RASGEF1C: variants seen among roughly 807,000 people sequenced by gnomAD.
RASGEF1C encodes ras-GEF domain-containing family member 1C.
RASGEF1C carries 27 observed loss-of-function variants against 58.1 expected under a neutral mutation model. That is an observed-to-expected ratio of 0.46 (90% CI 0.34 to 0.64). The LOEUF (loss-of-function observed/expected upper bound fraction) is 0.64, where lower values mean the gene tolerates loss of function less well. Ranked by LOEUF, RASGEF1C falls within the 30% of genes least tolerant of loss-of-function variation. The probability of loss-of-function intolerance (pLI) is 0.01; values close to 1 mark genes in which losing one functional copy is unlikely to be tolerated. For synonymous variants in RASGEF1C, 243 were observed against 246.3 expected, an observed-to-expected ratio of 0.99 and a Z score of 0.13; for missense variants, 502 against 605.1, an observed-to-expected ratio of 0.83 and a Z score of 1.79.
At chr5:180,162,038 T>C (rs1766952099) in intron 1 of RASGEF1C, among the ~76,000 whole-genome samples, 1 of 152,196 alleles carries the variant, frequency 6.6e-6, no homozygotes, top group African/African-American at 2.4e-5. Flanking sequence ...TGGATGACCA[T>C]AGATGAGGTC....
At position 180,168,526 on chromosome 5, in the gene RASGEF1C, C is replaced by T. The variant is rs1767054419; in HGVS notation, c.-6-30468G>A. 1.3e-5 allele frequency among the ~76,000 whole-genome samples: 2 copies of T among 152,218 alleles called. No homozygotes were observed. The highest frequency in any genetic ancestry group is 2.9e-5 in the Non-Finnish European group (2 of 68,042). On this transcript the variant is annotated intron_variant, in intron 1 of 13. Coordinates refer to ENST00000361132, the MANE Select transcript of RASGEF1C (RefSeq NM_175062.4). This position sits in a 1 kb window ranked among gnomAD's most constrained non-coding sequence, Gnocchi z 6.0. ...TGGTATCTTCCAGTTTCCTGGGGCT[C>T]TGCATTTCCGTCGTCGAGCCAGAAA... is the stretch of plus-strand genomic sequence containing the variant.
chr5:180,152,865 T>TGCGCC (rs1561744809), intron 1 of RASGEF1C, among the ~76,000 whole-genome samples: 1 of 144,166 alleles, frequency 6.9e-6, no homozygotes, highest in Admixed American at 7.2e-5. Flanking sequence ...GGGCCGAGAT[T>TGCGCC]GCGCCACTGC....
At chr5:180,114,594 TC>T in intron 10 of RASGEF1C, 53 bp from the exon 11 acceptor site, 1 of 1,543,588 alleles carries the variant, frequency 6.5e-7, no homozygotes, top group Non-Finnish European at 8.8e-7. Flanking sequence ...CACAGCGGGC[TC>T]CAGGACGGGG....
intron 1 of RASGEF1C, among the ~76,000 whole-genome samples, chr5:180,174,491 C>CGTGT (rs34690675): frequency 2.1e-5 from 3 of 143,694 alleles, no homozygotes; most frequent in African/African-American, 8.0e-5. Flanking sequence ...TGTGTGTGCG[C>CGTGT]GTGTGTGTCT....
At chr5:180,174,919 C>T (rs1162587974) in intron 1 of RASGEF1C, among the ~76,000 whole-genome samples, 1 of 152,230 alleles carries the variant, frequency 6.6e-6, no homozygotes, top group Non-Finnish European at 1.5e-5. Context: ...TGTCCCACCC[C>T]TCTTGCAGAC....
chr5:180,121,343 C>T (rs13160214), intron 6 of RASGEF1C, among the ~76,000 whole-genome samples, 194 bp from the exon 7 acceptor site: 76,825 of 151,108 alleles, frequency 0.51, 19,792 homozygotes, highest in Admixed American at 0.56. Flanking sequence ...AGACGGAGTC[C>T]CGCTCTGTCG....
At chr5:180,113,228 C>T (rs1582261529) in intron 11 of RASGEF1C, among the ~76,000 whole-genome samples, 20 of 59,030 alleles carry the variant, frequency 3.4e-4, no homozygotes, top group Admixed American at 5.2e-4. Context: ...GACGGAGGGA[C>T]AGGGGATGGA....
chr5:180,178,904 TG>T (rs1032810279), intron 1 of RASGEF1C, among the ~76,000 whole-genome samples: 6 of 150,180 alleles, frequency 4.0e-5, no homozygotes, highest in East Asian at 2.0e-4. Context: ...AGAATGTTCT[TG>T]GGGGGGGAGG....
intron 1 of RASGEF1C, among the ~76,000 whole-genome samples, chr5:180,189,204 T>C (rs1295110411): frequency 6.6e-6 from 1 of 152,108 alleles, no homozygotes; most frequent in Non-Finnish European, 1.5e-5. Context: ...ACATAAAAAA[T>C]GAAACACTCA....
intron 12 of RASGEF1C, among the ~76,000 whole-genome samples, chr5:180,109,996 G>A (rs567529005): frequency 6.6e-6 from 1 of 152,258 alleles, no homozygotes; most frequent in African/African-American, 2.4e-5. Context: ...ATAAATCTGT[G>A]TTGTTTTGAG....
In RASGEF1C at chr5:180,101,352, G is replaced by GGT; in HGVS notation, c.*148_*149insAC. ...TCTCCTGTGCCCGTATGGCCACTGT[G>GGT]GGGGGGGGGGGGGCGGGCAGCAGGC... On this transcript the variant is annotated 3_prime_UTR_variant, in exon 14 of 14. Transcript: ENST00000361132. 4.5e-4 allele frequency: 1 copy of GGT among 2,244 alleles called. No homozygotes were observed. Among genetic ancestry groups the GGT allele is most frequent in the Non-Finnish European group, 1.1e-3 (1 of 898 alleles). 0.1% of individuals were successfully genotyped at this position (2,244 alleles called of 1,614,324 possible). A position where few individuals can be genotyped will look rare whatever the true frequency, so the allele number is the denominator to read the frequency against.
chr5:180,195,587 C>CT (rs1483604022), intron 1 of RASGEF1C, among the ~76,000 whole-genome samples: 2 of 151,908 alleles, frequency 1.3e-5, no homozygotes, highest in Non-Finnish European at 2.9e-5. Flanking sequence ...GGTGAAACCC[C>CT]GTCTCTACTA....
chr5:180,165,643 C>G (rs1356275201), intron 1 of RASGEF1C, among the ~76,000 whole-genome samples: 4 of 148,996 alleles, frequency 2.7e-5, no homozygotes, highest in African/African-American at 7.4e-5. Context: ...AGCACTCCAG[C>G]CTGGGCAACA....
rs1458851970 is a variant in RASGEF1C at position 180,209,156 on chromosome 5, CGCCCGGCT to C, written c.-143_-136del. On this transcript the variant is annotated 5_prime_UTR_variant, in exon 1 of 14. Transcript: ENST00000361132. ...GCCGCCGCCGCCGCCGCCGCCCGAC[CGCCCGGCT>C]CCCAGCGCAGCCCGCACGAGCGCCT... 1.9e-3 allele frequency: 273 copies of C among 145,334 alleles called. 1 individual carries two copies. Among genetic ancestry groups the C allele is most frequent in the African/African-American group, 6.0e-3 (243 of 40,704 alleles). The allele number at this position is 145,334 out of a possible 1,614,324, so 9.0% of individuals were successfully genotyped here. A position where few individuals can be genotyped will look rare whatever the true frequency, so the allele number is the denominator to read the frequency against.
intron 1 of RASGEF1C, among the ~76,000 whole-genome samples, chr5:180,176,345 G>A (rs1169589554): frequency 1.3e-5 from 2 of 152,200 alleles, no homozygotes; most frequent in Non-Finnish European, 2.9e-5. Flanking sequence ...ATCTTGCGAA[G>A]ACTCAGCCTC....
intron 7 of RASGEF1C, among the ~76,000 whole-genome samples, chr5:180,120,130 G>A (rs1766144191): frequency 6.6e-6 from 1 of 152,242 alleles, no homozygotes; most frequent in African/African-American, 2.4e-5. Flanking sequence ...GGTGTTGCTT[G>A]CCTACCAAAG....
At chr5:180,150,983 A>G (rs1373209911) in intron 1 of RASGEF1C, among the ~76,000 whole-genome samples, 1 of 151,132 alleles carries the variant, frequency 6.6e-6, no homozygotes, top group Non-Finnish European at 1.5e-5. Flanking sequence ...CAAAGAGAAT[A>G]AAATACCTAG....
rs1156495047 is a variant in RASGEF1C, at chr5:180,198,113, GC to G, written c.-7+10914del. The stretch of plus-strand genomic sequence containing the variant: ...TTCCTGGACAGGCTTATGGGGCGTG[GC>G]AGTTTGGGGCACCATTGGTGGCAGG... On this transcript the variant is annotated intron_variant, in intron 1 of 13. Coordinates refer to ENST00000361132, the MANE Select transcript of RASGEF1C (RefSeq NM_175062.4). The surrounding 1 kb of genome is among the most constrained non-coding windows in gnomAD (Gnocchi z 4.5). Among the ~76,000 whole-genome samples the G allele has an allele frequency of 6.6e-6, 1 of 152,196 alleles. No individual in the cohort carries two copies. The highest frequency in any genetic ancestry group is 1.5e-5 in the Non-Finnish European group (1 of 68,036).
Position 180,191,636 on chromosome 5 carries a change from G to A in RASGEF1C, c.-7+17392C>T, listed in dbSNP as rs550937874. 1.8e-3 allele frequency among the ~76,000 whole-genome samples: 274 copies of A among 152,314 alleles called. 1 individual carries two copies. Among genetic ancestry groups the A allele is most frequent in the African/African-American group, 6.2e-3 (256 of 41,574 alleles). ...CTCCCAAAGTGCTGGGATTACAGGC[G>A]TGAGCCACCGCGCCCGGCCACAGTG... On this transcript the variant is annotated intron_variant, in intron 1 of 13. Transcript: ENST00000361132.
Sources: gnomAD v4.1 joint callset for allele counts (sites outside exome capture counted in the v4.1 genomes callset) on GRCh38, gnomAD v4.1.1 for gene constraint, Gnocchi (gnomAD v3.1) non-coding constraint, MANE v1.5 for transcripts, NCBI Gene and HGNC (gene_info 2026-07-23, HGNC 2026-07-21) for gene names.